The following CSMD1 variants were observed in gnomAD, a reference collection of about 807,000 sequenced individuals.
CSMD1 encodes CUB and Sushi multiple domains 1, also known as CUB and sushi domain-containing protein 1.
CSMD1 carries 213 observed loss-of-function variants against 417.5 expected under a neutral mutation model. The ratio of observed to expected loss-of-function variants is 0.51; its 90% CI spans 0.46 to 0.57. The LOEUF is 0.57. Ranked by LOEUF, CSMD1 falls within the 20% of genes least tolerant of loss-of-function variation. CSMD1 has a pLI of 0.00. For synonymous variants in CSMD1, 2,862 were observed against 1,736.8 expected (o/e 1.65, Z -16.11); for missense variants, 6,923 against 4,529.7 (o/e 1.53, Z -15.17).
At chr8:4,093,733 G>C (rs1170220071) in intron 3 of CSMD1, among the ~76,000 whole-genome samples, 1 of 152,134 alleles carries the variant, frequency 6.6e-6, no homozygotes, top group Non-Finnish European at 1.5e-5. Context: ...GGCTGAGGTG[G>C]AAAGATAAAC....
chr8:4,302,003 A>G (rs1056048970), intron 3 of CSMD1, among the ~76,000 whole-genome samples: 4 of 152,226 alleles, frequency 2.6e-5, no homozygotes, highest in Admixed American at 6.5e-5. Flanking sequence ...AGAACAAGTT[A>G]ATATGAGTTT....
chr8:3,465,201 C>G (rs1169515134), intron 12 of CSMD1, among the ~76,000 whole-genome samples: 1 of 152,140 alleles, frequency 6.6e-6, no homozygotes, highest in Non-Finnish European at 1.5e-5. Context: ...TGCCTATCCT[C>G]CACTCACTGT....
intron 7 of CSMD1, among the ~76,000 whole-genome samples, chr8:3,661,801 C>G (rs1798433211): frequency 3.3e-5 from 5 of 152,100 alleles, no homozygotes; most frequent in Admixed American, 3.3e-4. Context: ...CCGGCAAACT[C>G]CTTTAAATTT....
chr8:4,526,552 G>T (rs532781049), intron 2 of CSMD1, among the ~76,000 whole-genome samples: 2 of 152,210 alleles, frequency 1.3e-5, no homozygotes, highest in Non-Finnish European at 2.9e-5. Flanking sequence ...CTGTGTTGTG[G>T]TCTATTACGA....
intron 5 of CSMD1, among the ~76,000 whole-genome samples, chr8:3,799,499 GAAGTA>G (rs1019789824): frequency 2.0e-5 from 3 of 146,888 alleles, no homozygotes; most frequent in African/African-American, 5.1e-5. Context: ...TGGATTTGAA[GAAGTA>G]AAGCATACAT....
rs1336654404 is a variant in CSMD1 at position 4,099,640 on chromosome 8, G to A, written c.416-67541C>T. 2.0e-5 allele frequency among the ~76,000 whole-genome samples: 3 copies of A among 151,468 alleles called. No homozygotes were observed. In the South Asian group the frequency reaches 6.2e-4, roughly 31 times the overall value. Reference sequence around the variant, plus strand: ...AAAAAAAAAAACCTCACTTTCTTGGGTTCAGAATAAACCAATGCAGTCTGC... The same window carrying A: ...AAAAAAAAAAACCTCACTTTCTTGGATTCAGAATAAACCAATGCAGTCTGC... On this transcript the variant is annotated intron_variant, in intron 3 of 69. Coordinates refer to ENST00000635120, the MANE Select transcript of CSMD1 (RefSeq NM_033225.6).
At chr8:2,967,202 G>T (rs1804047307) in intron 57 of CSMD1, among the ~76,000 whole-genome samples, 1 of 152,088 alleles carries the variant, frequency 6.6e-6, no homozygotes, top group Non-Finnish European at 1.5e-5. Context: ...GGCAATTCAG[G>T]TCCTATTTTA....
intron 1 of CSMD1, among the ~76,000 whole-genome samples, chr8:4,971,094 T>A (rs944885865): frequency 6.6e-6 from 1 of 152,024 alleles, no homozygotes; most frequent in African/African-American, 2.4e-5. Flanking sequence ...TGGATCTCAT[T>A]TTTTTCATAT....
intron 3 of CSMD1, among the ~76,000 whole-genome samples, chr8:4,252,585 C>T (rs904687595): frequency 2.6e-5 from 4 of 152,236 alleles, no homozygotes; most frequent in Admixed American, 6.5e-5. Context: ...TACACAATGT[C>T]TACTCTCAGA....
intron 11 of CSMD1, among the ~76,000 whole-genome samples, chr8:3,480,316 C>A (rs559527307): frequency 6.6e-6 from 1 of 152,114 alleles, no homozygotes; most frequent in Admixed American, 6.5e-5. Context: ...GAGCACAGAT[C>A]GTGCCACTGC....
chr8:4,794,926 G>A (rs13251215), intron 1 of CSMD1, among the ~76,000 whole-genome samples: 48,104 of 151,568 alleles, frequency 0.32, 8,313 homozygotes, highest in Admixed American at 0.43. Context: ...CATTTAGAAC[G>A]CTGGGAAGGG....
chr8:3,631,635 C>G (rs17066695), intron 7 of CSMD1, among the ~76,000 whole-genome samples: 1 of 152,090 alleles, frequency 6.6e-6, no homozygotes, highest in Non-Finnish European at 1.5e-5. Context: ...CTGAAGATCA[C>G]TGGTGATTTT....
chr8:3,064,557 G>A (rs932165633), intron 49 of CSMD1, among the ~76,000 whole-genome samples: 2 of 152,250 alleles, frequency 1.3e-5, no homozygotes, highest in East Asian at 1.9e-4. Flanking sequence ...AGTAGTGTGA[G>A]AATGGATTAA....
At chr8:3,139,411 C>A (rs910129323) in intron 41 of CSMD1, among the ~76,000 whole-genome samples, 1 of 152,040 alleles carries the variant, frequency 6.6e-6, no homozygotes, top group South Asian at 2.1e-4. Context: ...CCCCTGAAGC[C>A]AAGGGAAAAG....
intron 4 of CSMD1, among the ~76,000 whole-genome samples, chr8:3,999,190 C>T (rs1383639171): frequency 6.6e-6 from 1 of 151,494 alleles, no homozygotes; most frequent in Non-Finnish European, 1.5e-5. Flanking sequence ...CAAATACTTC[C>T]TATCCATAAT....
At chr8:4,106,911 G>T (rs1044896507) in intron 3 of CSMD1, among the ~76,000 whole-genome samples, 6 of 152,102 alleles carry the variant, frequency 3.9e-5, no homozygotes, top group East Asian at 1.9e-4. Flanking sequence ...AAATCAATAG[G>T]CTTATTTATA....
chr8:4,794,297 C>G (rs936342030), intron 1 of CSMD1, among the ~76,000 whole-genome samples: 2 of 152,102 alleles, frequency 1.3e-5, no homozygotes, highest in Non-Finnish European at 2.9e-5. Context: ...GATATTCTTG[C>G]AATTTTTGTT....
rs559570730 is a variant in CSMD1, at chr8:3,722,940, C to T, written c.932-14449G>A. ...GTGTGTGTGCCAGTTTTTCTTGCCACATAAATTACTACCAACTTAAGAGCT... is the reference window on the plus strand; with the variant it reads ...GTGTGTGTGCCAGTTTTTCTTGCCATATAAATTACTACCAACTTAAGAGCT... On this transcript the variant is annotated intron_variant, in intron 6 of 69. Coordinates refer to ENST00000635120, the MANE Select transcript of CSMD1 (RefSeq NM_033225.6). 5.3e-5 allele frequency among the ~76,000 whole-genome samples: 8 copies of T among 152,264 alleles called. No homozygotes were observed. In the East Asian group the frequency reaches 9.7e-4, roughly 18 times the overall value.
chr8:4,816,774 G>A (rs1799231181), intron 1 of CSMD1, among the ~76,000 whole-genome samples: 1 of 152,102 alleles, frequency 6.6e-6, no homozygotes, highest in South Asian at 2.1e-4. Context: ...CTGAGGATGG[G>A]GATGAAGGAA....
Sources: allele counts gnomAD v4.1 joint callset (sites outside exome capture counted in the v4.1 genomes callset), GRCh38; gene constraint gnomAD v4.1.1; transcripts MANE v1.5; gene names NCBI Gene and HGNC (gene_info 2026-07-23, HGNC 2026-07-21).